SHISA9: variants seen among roughly 807,000 people sequenced by gnomAD.
The protein encoded by SHISA9 is shisa family member 9.
A neutral mutation model predicts 38.0 loss-of-function variants in SHISA9; 13 were observed. That is an observed-to-expected ratio of 0.34 (90% confidence interval 0.22 to 0.54). The LOEUF (loss-of-function observed/expected upper bound fraction) is 0.54, where lower values mean the gene tolerates loss of function less well. Among genes scored for constraint, SHISA9 ranks in the 20% least tolerant of loss-of-function variants. The pLI is 0.91. For synonymous variants in SHISA9, 275 were observed against 242.0 expected, an observed-to-expected ratio of 1.14 and a Z score of -1.27; for missense variants, 538 against 575.8, an observed-to-expected ratio of 0.93 and a Z score of 0.67.
intron 2 of SHISA9, among the ~76,000 whole-genome samples, chr16:12,943,324 TGTGTGTGAGAGAGA>T: frequency 9.5e-5 from 2 of 21,096 alleles, no homozygotes; most frequent in South Asian, 3.1e-3. Context: ...TGTGTGTGTG[TGTGTGTGAGAGAGA>T]GAGAGAGAGA....
At chr16:13,413,770 A>G in the SHISA9 span, among the ~76,000 whole-genome samples, 1 of 150,588 alleles carries the variant, frequency 6.6e-6, no homozygotes, top group African/African-American at 2.4e-5. Flanking sequence ...AAAAAAAAAA[A>G]AAAAAAAAAA....
chr16:13,427,325 T>C, the SHISA9 span, among the ~76,000 whole-genome samples: 1 of 152,228 alleles, frequency 6.6e-6, no homozygotes, highest in Non-Finnish European at 1.5e-5. Flanking sequence ...TCCAAGGTTA[T>C]GCAGCTAGAT....
At chr16:13,512,975 A>C in the SHISA9 span, among the ~76,000 whole-genome samples, 1 of 152,248 alleles carries the variant, frequency 6.6e-6, no homozygotes, top group Non-Finnish European at 1.5e-5. Flanking sequence ...GAAAACACCA[A>C]AAGCAATTGC....
chr16:13,453,904 C>T, the SHISA9 span, among the ~76,000 whole-genome samples: 1,259 of 152,262 alleles, frequency 8.3e-3, 18 homozygotes, highest in African/African-American at 0.029. Flanking sequence ...CTTTCCAGTA[C>T]AGAGGCTTGT....
intron 3 of SHISA9, among the ~76,000 whole-genome samples, chr16:13,209,192 A>G (rs1234757429): frequency 6.6e-6 from 1 of 152,202 alleles, no homozygotes; most frequent in Admixed American, 6.5e-5. Context: ...ACTGCAGCAT[A>G]TTAAAGACCC....
chr16:13,103,528 A>G (rs2073898883), intron 2 of SHISA9, among the ~76,000 whole-genome samples: 1 of 152,108 alleles, frequency 6.6e-6, no homozygotes, highest in Non-Finnish European at 1.5e-5. Flanking sequence ...CTCAGGTGAG[A>G]CTCAGCTCAG....
the SHISA9 span, among the ~76,000 whole-genome samples, chr16:13,334,668 G>A: frequency 4.6e-5 from 7 of 151,820 alleles, no homozygotes; most frequent in African/African-American, 1.7e-4. Context: ...CAGCTACTTG[G>A]GAGGCTGAGG....
the SHISA9 span, among the ~76,000 whole-genome samples, chr16:13,483,877 C>G: frequency 6.6e-6 from 1 of 152,158 alleles, no homozygotes; most frequent in Non-Finnish European, 1.5e-5. Flanking sequence ...TCATTTGGAT[C>G]CTTTGCAATA....
intron 2 of SHISA9, among the ~76,000 whole-genome samples, chr16:13,067,169 G>C (rs1398803758): frequency 6.6e-6 from 1 of 152,204 alleles, no homozygotes; most frequent in Non-Finnish European, 1.5e-5. Context: ...GCTTGACTTA[G>C]CTTACACTTA....
chr16:13,212,140 A>G (rs533522552), intron 3 of SHISA9, among the ~76,000 whole-genome samples: 3 of 152,326 alleles, frequency 2.0e-5, no homozygotes, highest in African/African-American at 7.2e-5. Flanking sequence ...GTAATCATTC[A>G]GATGACAGAC....
chr16:13,478,546 A>G, the SHISA9 span, among the ~76,000 whole-genome samples: 1 of 152,228 alleles, frequency 6.6e-6, no homozygotes, highest in Non-Finnish European at 1.5e-5. Context: ...CTGCAGCTGT[A>G]AAATGCAAGC....
Position 13,148,836 on chromosome 16 carries a change from T to A in SHISA9, c.692-54558T>A, listed in dbSNP as rs1862812. Among the ~76,000 whole-genome samples the A allele has an allele frequency of 1.9e-3, 288 of 150,910 alleles. 2 individuals carry two copies. Among genetic ancestry groups the A allele is most frequent in the Non-Finnish European group, 2.1e-3 (143 of 67,760 alleles). Reference sequence around the variant, plus strand: ...CCTAGAATCACCAAAAAAAAAAAAATTTTAAGTCTAAAAAGTTTATGGGGA... The same window carrying A: ...CCTAGAATCACCAAAAAAAAAAAAAATTTAAGTCTAAAAAGTTTATGGGGA... On this transcript the variant is annotated intron_variant, in intron 2 of 4. Coordinates refer to ENST00000558583, the MANE Select transcript of SHISA9 (RefSeq NM_001145204.3).
chr16:12,996,165 A>G (rs1002821010), intron 2 of SHISA9, among the ~76,000 whole-genome samples: 1 of 152,210 alleles, frequency 6.6e-6, no homozygotes, highest in Non-Finnish European at 1.5e-5. Flanking sequence ...TTGGTGGCCT[A>G]GAAGGTGGAT....
At chr16:13,221,239 C>G (rs2051221967) in intron 4 of SHISA9, among the ~76,000 whole-genome samples, 1 of 152,156 alleles carries the variant, frequency 6.6e-6, no homozygotes, top group African/African-American at 2.4e-5. Context: ...ACTTGTGTCT[C>G]TGCAGCAAGG....
intron 2 of SHISA9, among the ~76,000 whole-genome samples, chr16:12,990,635 G>A (rs1336759028): frequency 6.6e-6 from 1 of 152,152 alleles, no homozygotes; most frequent in African/African-American, 2.4e-5. Context: ...AATGTCTGAA[G>A]ACCATTTTGA....
chr16:13,168,794 C>T (rs743657), intron 2 of SHISA9, among the ~76,000 whole-genome samples: 63,737 of 152,124 alleles, frequency 0.42, 13,814 homozygotes, highest in Admixed American at 0.47. Context: ...CTTGCACCAT[C>T]TGCCAACTGT....
the SHISA9 span, among the ~76,000 whole-genome samples, chr16:13,551,125 A>G: frequency 2.7e-5 from 2 of 74,298 alleles, no homozygotes; most frequent in Non-Finnish European, 5.5e-5. Flanking sequence ...CTCCATCTCG[A>G]AAAAAAAAAA....
chr16:13,421,831 G>A, the SHISA9 span, among the ~76,000 whole-genome samples: 53 of 152,200 alleles, frequency 3.5e-4, no homozygotes, highest in African/African-American at 1.2e-3. Context: ...CTTATGTGCC[G>A]TATTTTCCCA....
the SHISA9 span, among the ~76,000 whole-genome samples, chr16:13,313,232 G>A: frequency 7.4e-6 from 1 of 135,974 alleles, no homozygotes. Flanking sequence ...TCCAGCCTGG[G>A]CGACAGAGCG....
Sources: allele counts gnomAD v4.1 joint callset (sites outside exome capture counted in the v4.1 genomes callset), GRCh38; gene constraint gnomAD v4.1.1; transcripts MANE v1.5; gene names NCBI Gene and HGNC (gene_info 2026-07-23, HGNC 2026-07-21).